The following MAST4 variants were observed in gnomAD, a reference collection of about 807,000 sequenced individuals.
MAST4 encodes the protein microtubule associated serine/threonine kinase family member 4, also known as microtubule-associated serine/threonine-protein kinase 4.
A neutral mutation model predicts 162.7 loss-of-function variants in MAST4; 89 were observed. The ratio of observed to expected loss-of-function variants is 0.55; its 90% CI spans 0.46 to 0.65. The LOEUF (loss-of-function observed/expected upper bound fraction) is 0.65, where lower values mean the gene tolerates loss of function less well. MAST4 is among the 30% of genes least tolerant of loss of function. MAST4 has a pLI of 0.00. For synonymous variants in MAST4, 1,479 were observed against 1,361.1 expected (o/e 1.09, Z -1.91); for missense variants, 3,153 against 3,374.0 (o/e 0.93, Z 1.62).
chr5:67,160,623 G>A, intron 27 of MAST4, 31 bp downstream of exon 27: 2 of 1,601,800 alleles, frequency 1.2e-6, no homozygotes, highest in Non-Finnish European at 1.7e-6. Context: ...TTTTAAGTTT[G>A]GTGTATACCT....
At chr5:66,625,393 T>A (rs1744358575) in intron 1 of MAST4, among the ~76,000 whole-genome samples, 1 of 152,248 alleles carries the variant, frequency 6.6e-6, no homozygotes, top group African/African-American at 2.4e-5. Context: ...GTTACCCCCA[T>A]GACAGGGATA....
intron 17 of MAST4, 22 bp from the exon 18 acceptor site, chr5:67,134,501 T>C (rs1769380479): frequency 1.2e-6 from 2 of 1,601,212 alleles, no homozygotes. Context: ...CCAATTATTC[T>C]AATATTGCAA....
intron 10 of MAST4, among the ~76,000 whole-genome samples, chr5:67,105,973 C>T (rs1297659964): frequency 6.6e-6 from 1 of 152,170 alleles, no homozygotes; most frequent in Admixed American, 6.5e-5. Context: ...TGACATCCTC[C>T]TTATTGTCAT....
chr5:66,732,088 C>A (rs895180613), intron 1 of MAST4, among the ~76,000 whole-genome samples: 4 of 151,934 alleles, frequency 2.6e-5, no homozygotes, highest in African/African-American at 9.7e-5. Flanking sequence ...CATCTCTATC[C>A]AGTTCACTTC....
chr5:66,870,148 C>T (rs888807025), intron 3 of MAST4, among the ~76,000 whole-genome samples: 2 of 152,110 alleles, frequency 1.3e-5, no homozygotes, highest in African/African-American at 4.8e-5. Flanking sequence ...TAGGAGAGAC[C>T]ACTCTTTTAC....
chr5:67,027,246 T>G (rs1015473199), intron 4 of MAST4, among the ~76,000 whole-genome samples: 3 of 152,164 alleles, frequency 2.0e-5, no homozygotes, highest in Non-Finnish European at 2.9e-5. Flanking sequence ...CACTGAAATA[T>G]ATAATTATTA....
At chr5:66,883,622 T>C (rs934638214) in intron 3 of MAST4, among the ~76,000 whole-genome samples, 1 of 151,924 alleles carries the variant, frequency 6.6e-6, no homozygotes, top group East Asian at 1.9e-4. Flanking sequence ...AGAGACAGGA[T>C]TTCACCATGT....
At chr5:66,816,331 G>A in intron 3 of MAST4, among the ~76,000 whole-genome samples, 1 of 151,968 alleles carries the variant, frequency 6.6e-6, no homozygotes, top group East Asian at 1.9e-4. Flanking sequence ...AAAAGACTGG[G>A]CACCCCTGTT....
intron 10 of MAST4, among the ~76,000 whole-genome samples, chr5:67,106,257 A>G (rs146801560): frequency 2.0e-5 from 3 of 152,234 alleles, no homozygotes; most frequent in African/African-American, 7.2e-5. Context: ...ACCTCAGACC[A>G]GTAGTCATCT....
intron 3 of MAST4, among the ~76,000 whole-genome samples, chr5:66,867,094 C>G (rs1019766455): frequency 3.3e-5 from 5 of 152,150 alleles, no homozygotes; most frequent in Non-Finnish European, 7.4e-5. Context: ...TTTTAAGAAG[C>G]AGGCTGGGAG....
At chr5:66,652,238 T>A (rs972949278) in intron 1 of MAST4, among the ~76,000 whole-genome samples, 2 of 152,204 alleles carry the variant, frequency 1.3e-5, no homozygotes, top group Non-Finnish European at 2.9e-5. Flanking sequence ...TCAGCTTGGA[T>A]CTTCTTCATC....
chr5:66,719,383 A>G (rs1751056765), intron 1 of MAST4, among the ~76,000 whole-genome samples: 3 of 152,210 alleles, frequency 2.0e-5, no homozygotes. Flanking sequence ...GAGTTTTAAA[A>G]GTTTTCTTCT....
chr5:66,997,235 T>G (rs975497241), intron 4 of MAST4, among the ~76,000 whole-genome samples: 1 of 152,134 alleles, frequency 6.6e-6, no homozygotes, highest in Admixed American at 6.5e-5. Context: ...ATGTGCCTAC[T>G]ACATGTATAT....
At chr5:66,690,552 A>C (rs1051325188) in intron 1 of MAST4, among the ~76,000 whole-genome samples, 7 of 152,206 alleles carry the variant, frequency 4.6e-5, no homozygotes, top group African/African-American at 1.7e-4. Context: ...AAATACAAGA[A>C]TGTTCTGAAT....
chr5:66,834,578 A>T (rs1429305748), intron 3 of MAST4, among the ~76,000 whole-genome samples: 6 of 152,198 alleles, frequency 3.9e-5, no homozygotes, highest in Non-Finnish European at 8.8e-5. Flanking sequence ...TAAGGAACAC[A>T]TGCCAGGCTG....
intron 1 of MAST4, among the ~76,000 whole-genome samples, chr5:66,755,097 G>A (rs370054698): frequency 6.6e-6 from 1 of 152,094 alleles, no homozygotes; most frequent in East Asian, 1.9e-4. Context: ...CTGAGAGGAT[G>A]GAAGCACAGA....
chr5:66,755,646 T>C (rs1464355804), intron 1 of MAST4, among the ~76,000 whole-genome samples: 1 of 152,000 alleles, frequency 6.6e-6, no homozygotes. Context: ...TAAAATTTAT[T>C]CTTTTAATTG....
chr5:66,845,538 A>C (rs1254802555), intron 3 of MAST4, among the ~76,000 whole-genome samples: 2 of 152,032 alleles, frequency 1.3e-5, no homozygotes, highest in Non-Finnish European at 2.9e-5. Flanking sequence ...GGTTGGTTCC[A>C]AGTCTTTGCT....
At position 66,596,840 on chromosome 5, in the gene MAST4, A is replaced by AGCC. The variant is rs577558811; in HGVS notation, c.202_204dup (p.Pro68dup). ...CCCGGCGGCTTCTCCAGAGAGCATC[A>AGCC]GCCGCCGCCGCCGCCGCCGTTGGGA... On this transcript the variant is annotated inframe_insertion, in exon 1 of 29. Transcript: ENST00000403625. The AGCC allele has an allele frequency of 7.6e-5, 94 of 1,242,882 alleles. No homozygotes were observed. The Middle Eastern group carries it at 1.1e-3, about 14-fold the overall frequency. The allele number at this position is 1,242,882 out of a possible 1,614,324, so 77.0% of individuals were successfully genotyped here.
Sources: allele counts gnomAD v4.1 joint callset (sites outside exome capture counted in the v4.1 genomes callset), GRCh38; gene constraint gnomAD v4.1.1; transcripts MANE v1.5; gene names NCBI Gene and HGNC (gene_info 2026-07-23, HGNC 2026-07-21).